KLHL42: variants seen among roughly 807,000 people sequenced by gnomAD.
KLHL42 encodes kelch-like protein 42.
In KLHL42, 27 loss-of-function variants were observed where a neutral mutation model predicts 32.7. That is an observed-to-expected ratio of 0.83 (90% CI 0.61 to 1.14). The LOEUF (loss-of-function observed/expected upper bound fraction) is 1.14, where lower values mean the gene tolerates loss of function less well. Among genes scored for constraint, KLHL42 ranks in the 50% most tolerant of loss-of-function variants. The pLI, the probability that KLHL42 is intolerant of heterozygous loss-of-function variation, is 0.00. For missense variants in KLHL42, 491 were observed against 560.8 expected (o/e 0.88, Z 1.26); for synonymous variants, 267 against 248.2 (o/e 1.08, Z -0.71).
chr12:27,797,918 G>T lies in KLHL42; in HGVS notation c.1270G>T (p.Val424Phe). 1 of 780,876 alleles carries T rather than the reference G, an allele frequency of 1.3e-6. No homozygotes were observed. Among genetic ancestry groups the T allele is most frequent in the Non-Finnish European group, 2.4e-6 (1 of 418,086 alleles). 48.4% of individuals were successfully genotyped at this position (780,876 alleles called of 1,614,324 possible). ...GCTCACCGTGCAGTCCTACAACACC[G>T]TCACCCGCCAGTGGCTCTACCTCAA... ...DMLTVQSYNT[V>F]TRQWLYLKEN... The change falls in exon 3 of 3, where the codon GTC (valine) becomes TTC (phenylalanine). Residue 424 changes from valine to phenylalanine, a missense_variant. Transcript: ENST00000381271.
intron 1 of KLHL42, among the ~76,000 whole-genome samples, chr12:27,782,621 ACTC>A (rs2062153881): frequency 6.6e-6 from 1 of 151,994 alleles, no homozygotes; most frequent in Non-Finnish European, 1.5e-5. Flanking sequence ...GAGTTCTCTC[ACTC>A]CTCTTGCATT....
chr12:27,792,153 C>CTT (rs1426622515), intron 2 of KLHL42: 5 of 278,826 alleles, frequency 1.8e-5, no homozygotes, highest in African/African-American at 8.8e-5. Flanking sequence ...AAAATGTTAT[C>CTT]TCTTTTTTTT....
At position 27,800,353 on chromosome 12, in the gene KLHL42, T is replaced by TGTGTGG; in HGVS notation, c.*2192_*2193insGGTGTG. ...TTGAGGTTGTGTGTGTGTGTGGGGG[T>TGTGTGG]GTGTGTGTGTGTGTGTGTGTATGTT... On this transcript the variant is annotated 3_prime_UTR_variant, in exon 3 of 3. Transcript: ENST00000381271. The TGTGTGG allele has an allele frequency of 1.0e-6, 1 of 960,694 alleles. No homozygotes were observed. Among genetic ancestry groups the TGTGTGG allele is most frequent in the Non-Finnish European group, 1.2e-6 (1 of 812,502 alleles). 59.5% of individuals were successfully genotyped at this position (960,694 alleles called of 1,614,324 possible).
chr12:27,781,692 A>G (rs2062149491), intron 1 of KLHL42, among the ~76,000 whole-genome samples: 3 of 152,198 alleles, frequency 2.0e-5, no homozygotes, highest in African/African-American at 7.2e-5. Flanking sequence ...AGAGATAATC[A>G]CTGGAAATGT....
At chr12:27,792,553 T>C (rs1474588917) in intron 2 of KLHL42, among the ~76,000 whole-genome samples, 1 of 152,216 alleles carries the variant, frequency 6.6e-6, no homozygotes, top group African/African-American at 2.4e-5. Flanking sequence ...AGATGGAGTC[T>C]CCTTCTGTCA....
chr12:27,797,924 C>A lies in KLHL42; in HGVS notation c.1276C>A (p.Arg426Ser). The stretch of plus-strand genomic sequence containing the variant: ...CGTGCAGTCCTACAACACCGTCACC[C>A]GCCAGTGGCTCTACCTCAAGGAGAA... ...LTVQSYNTVTRQWLYLKENTS... is the reference protein window; with the variant it reads ...LTVQSYNTVTSQWLYLKENTS... Residue 426 changes from arginine (R) to serine (S), a missense_variant, in exon 3 of 3, where the codon CGC (arginine) becomes AGC (serine). Arg to Ser is a moderately radical substitution (Grantham distance 110). This residue lies in a region of KLHL42 where 152 missense variants were observed against 125.9 expected (regional missense o/e 1.21). Coordinates refer to ENST00000381271, the MANE Select transcript of KLHL42 (RefSeq NM_020782.2). The A allele has an allele frequency of 1.3e-6, 1 of 780,998 alleles. No individual in the cohort carries two copies. Among genetic ancestry groups the A allele is most frequent in the South Asian group, 1.3e-5 (1 of 74,614 alleles). 48.4% of individuals were successfully genotyped at this position (780,998 alleles called of 1,614,324 possible).
chr12:27,780,280 G>A lies in KLHL42; in HGVS notation c.-51G>A, dbSNP rs763731218. ...ACCGGCGCGCGCGTAGGGGCTGGGA[G>A]GCCGGCGCGCAGATCTGGCGGTGAG... On this transcript the variant is annotated 5_prime_UTR_variant, in exon 1 of 3. Transcript: ENST00000381271. The surrounding 1 kb of genome is among the most constrained non-coding windows in gnomAD (Gnocchi z 8.8). 14 of 1,486,712 alleles carry A rather than the reference G, an allele frequency of 9.4e-6. No homozygotes were observed. Among genetic ancestry groups the A allele is most frequent in the Admixed American group, 2.4e-5 (1 of 42,192 alleles). 92.1% of individuals were successfully genotyped at this position (1,486,712 alleles called of 1,614,324 possible). A position where few individuals can be genotyped will look rare whatever the true frequency, so the allele number is the denominator to read the frequency against.
chr12:27,780,348 G>T lies in KLHL42; in HGVS notation c.18G>T (p.Met6Ile). 6.4e-7 allele frequency: 1 copy of T among 1,574,422 alleles called. No individual in the cohort carries two copies. Among genetic ancestry groups the T allele is most frequent in the East Asian group, 2.4e-5 (1 of 41,072 alleles). Reference sequence around the variant, plus strand: ...CCCCAGCCATGTCGGCCGAGGAGATGGTGCAGATCCGCCTGGAGGACCGCT... The same window carrying T: ...CCCCAGCCATGTCGGCCGAGGAGATTGTGCAGATCCGCCTGGAGGACCGCT... MSAEE[M>I]VQIRLEDRCY... is the part of the protein sequence containing the mutation. The change falls in exon 1 of 3, where the codon ATG (methionine) becomes ATT (isoleucine). Residue 6 changes from methionine to isoleucine, a missense_variant. Coordinates refer to ENST00000381271, the MANE Select transcript of KLHL42 (RefSeq NM_020782.2). The surrounding 1 kb of genome is among the most constrained non-coding windows in gnomAD (Gnocchi z 8.8).
chr12:27,790,974 T>C (rs1036955544), intron 1 of KLHL42, among the ~76,000 whole-genome samples: 1 of 152,156 alleles, frequency 6.6e-6, no homozygotes, highest in African/African-American at 2.4e-5. Flanking sequence ...GGCAGGAGAC[T>C]CTCTTGAGCC....
In KLHL42 at chr12:27,798,489, T is replaced by G; in HGVS notation, c.*323T>G. On this transcript the variant is annotated 3_prime_UTR_variant, in exon 3 of 3. Coordinates refer to ENST00000381271, the MANE Select transcript of KLHL42 (RefSeq NM_020782.2). Reference sequence around the variant, plus strand: ...TGTGGTAAAGGGCCAAAGTCAATAATTGGGACAAATGGTAAAGATGATTTT... The same window carrying G: ...TGTGGTAAAGGGCCAAAGTCAATAAGTGGGACAAATGGTAAAGATGATTTT... 3.8e-6 allele frequency: 1 copy of G among 266,608 alleles called. No individual in the cohort carries two copies. The highest frequency in any genetic ancestry group is 7.2e-6 in the Non-Finnish European group (1 of 139,746). 16.5% of individuals were successfully genotyped at this position (266,608 alleles called of 1,614,324 possible).
At chr12:27,793,359 G>A (rs1313345886) in intron 2 of KLHL42, among the ~76,000 whole-genome samples, 1 of 151,754 alleles carries the variant, frequency 6.6e-6, no homozygotes, top group African/African-American at 2.4e-5. Flanking sequence ...GGTCAACACA[G>A]CAAGACCCCT....
intron 1 of KLHL42, among the ~76,000 whole-genome samples, chr12:27,789,133 C>T (rs1354850086): frequency 6.6e-6 from 1 of 152,206 alleles, no homozygotes; most frequent in Admixed American, 6.5e-5. Context: ...AGACTTAGGA[C>T]ACCCAGAGAA....
intron 1 of KLHL42, chr12:27,788,028 C>G (rs1043250944): frequency 1.3e-5 from 2 of 152,204 alleles, no homozygotes; most frequent in Non-Finnish European, 1.5e-5. Flanking sequence ...TTCCCCTTCT[C>G]CCCTTCCTAG....
At chr12:27,781,243 C>G in intron 1 of KLHL42, 41 bp downstream of exon 1, 1 of 1,602,374 alleles carries the variant, frequency 6.2e-7, no homozygotes, top group Non-Finnish European at 8.5e-7. Context: ...CTCATTCATT[C>G]ACTTGTTCAT....
chr12:27,790,462 CTG>C (rs2062191715), intron 1 of KLHL42, among the ~76,000 whole-genome samples: 1 of 152,192 alleles, frequency 6.6e-6, no homozygotes, highest in Admixed American at 6.5e-5. Context: ...AAACTTGTGA[CTG>C]TTGCACACCT....
chr12:27,794,731 C>T (rs904089747), intron 2 of KLHL42, among the ~76,000 whole-genome samples: 2 of 152,060 alleles, frequency 1.3e-5, no homozygotes, highest in Admixed American at 1.3e-4. Context: ...TTGTTAGGGA[C>T]CACCATGCAA....
chr12:27,793,069 G>A (rs1313329411), intron 2 of KLHL42, among the ~76,000 whole-genome samples: 1 of 152,064 alleles, frequency 6.6e-6, no homozygotes, highest in Non-Finnish European at 1.5e-5. Flanking sequence ...GTTTTATACT[G>A]CTCTTTTTGG....
At chr12:27,791,537 A>G (rs987352535) in intron 1 of KLHL42, among the ~76,000 whole-genome samples, 171 bp from the exon 2 acceptor site, 2 of 152,188 alleles carry the variant, frequency 1.3e-5, no homozygotes, top group Non-Finnish European at 2.9e-5. Context: ...TGGGGACAGG[A>G]GTGAGATTCG....
At chr12:27,792,647 C>G (rs2062202452) in intron 2 of KLHL42, among the ~76,000 whole-genome samples, 1 of 152,146 alleles carries the variant, frequency 6.6e-6, no homozygotes. Context: ...CCTCAGCCCC[C>G]CAAGTAGCTG....
Sources: gnomAD v4.1 joint callset for allele counts (sites outside exome capture counted in the v4.1 genomes callset) on GRCh38, gnomAD v4.1.1 for gene constraint, gnomAD v4.1.1 regional missense constraint, Gnocchi (gnomAD v3.1) non-coding constraint, MANE v1.5 for transcripts, NCBI Gene and HGNC (gene_info 2026-07-23, HGNC 2026-07-21) for gene names.